STAT5A: variants seen among roughly 807,000 people sequenced by gnomAD.
STAT5A encodes the protein signal transducer and activator of transcription 5A.
In STAT5A, 26 loss-of-function variants were observed where a neutral mutation model predicts 100.2. The observed-to-expected ratio is 0.26, with a 90% CI of 0.19 to 0.36. The LOEUF is 0.36. Among genes scored for constraint, STAT5A ranks in the 10% least tolerant of loss-of-function variants. STAT5A has a pLI of 1.00. For missense variants in STAT5A, 634 were observed against 1,027.5 expected (o/e 0.62, Z 5.24); for synonymous variants, 330 against 424.3 (o/e 0.78, Z 2.73).
chr17:42,289,253 C>T (rs2080844955), intron 1 of STAT5A, 149 bp from the exon 2 acceptor site: 4 of 897,048 alleles, frequency 4.5e-6, no homozygotes, highest in African/African-American at 1.7e-5. Context: ...TCCTCACCAT[C>T]TCTGTTCCCG....
chr17:42,294,109 G>A (rs565197636), intron 4 of STAT5A, among the ~76,000 whole-genome samples: 1 of 152,100 alleles, frequency 6.6e-6, no homozygotes, highest in Non-Finnish European at 1.5e-5. Flanking sequence ...CTAGCTACTC[G>A]GGCGGCTGAG....
intron 15 of STAT5A, 128 bp downstream of exon 15, chr17:42,307,851 C>A: frequency 7.4e-7 from 1 of 1,346,718 alleles, no homozygotes; most frequent in Non-Finnish European, 1.0e-6. Context: ...TATGAGAGGG[C>A]TGTGGCTTGG....
chr17:42,298,953 C>G (rs1257377724), intron 5 of STAT5A, among the ~76,000 whole-genome samples: 2 of 151,942 alleles, frequency 1.3e-5, no homozygotes, highest in Non-Finnish European at 2.9e-5. Context: ...ACACGCTCTC[C>G]CTCTGCGGTC....
In STAT5A at chr17:42,307,710, GA is replaced by G. The variant is rs1360593851; in HGVS notation, c.1895del (p.Lys632SerfsTer12). On this transcript the variant is annotated frameshift_variant, in exon 15 of 19. Transcript: ENST00000590949. LOFTEE classifies it high-confidence loss of function. ...AAATCGGGGGCATCACCATCGCCTG[GA>G]AGTTTGACTCCCGTGAGTGCCCGTT... ...SEIGGITIAW[K>X]FDSPERNLWN... 1.2e-6 allele frequency: 2 copies of G among 1,613,952 alleles called. No homozygotes were observed. Among genetic ancestry groups the G allele is most frequent in the Non-Finnish European group, 1.7e-6 (2 of 1,179,976 alleles).
chr17:42,302,943 ACT>A (rs2080995107), intron 9 of STAT5A, among the ~76,000 whole-genome samples: 1 of 146,960 alleles, frequency 6.8e-6, no homozygotes, highest in Admixed American at 6.9e-5. Flanking sequence ...ACAGAGCAAG[ACT>A]CTGTTTAAAA....
chr17:42,300,588 C>A, intron 7 of STAT5A, 127 bp from the exon 8 acceptor site: 1 of 850,320 alleles, frequency 1.2e-6, no homozygotes. Context: ...GAGCTCTGCT[C>A]TTCCCATGGG....
At position 42,300,708 on chromosome 17, in the gene STAT5A, C is replaced by T. The variant is rs775474401; in HGVS notation, c.834-7C>T. On this transcript the variant is annotated splice_region_variant and splice_polypyrimidine_tract_variant and intron_variant, in intron 7 of 18. Coordinates refer to ENST00000590949, the MANE Select transcript of STAT5A (RefSeq NM_001288718.2). ...GTCCTCCTGTTGGCCTTGGGGCTCT[C>T]GTGCAGGTGTGAGAAGTTGGCCGAG... 8.1e-6 allele frequency: 13 copies of T among 1,613,598 alleles called. No individual in the cohort carries two copies. The highest frequency in any genetic ancestry group is 2.2e-5 in the South Asian group (2 of 91,072).
chr17:42,310,859 G>A lies in STAT5A; in HGVS notation c.*190G>A. 1.0e-6 allele frequency: 1 copy of A among 984,036 alleles called. No homozygotes were observed. The highest frequency in any genetic ancestry group is 2.6e-5 in the East Asian group (1 of 37,772). The allele number at this position is 984,036 out of a possible 1,614,324, so 61.0% of individuals were successfully genotyped here. Reference sequence around the variant, plus strand: ...GCAGTCCTGGGATGTGGCTGCAGCAGCGGTGGCCTCTTTTCAGATCATGGC... The same window carrying A: ...GCAGTCCTGGGATGTGGCTGCAGCAACGGTGGCCTCTTTTCAGATCATGGC... On this transcript the variant is annotated 3_prime_UTR_variant, in exon 19 of 19. Transcript: ENST00000590949.
intron 5 of STAT5A, among the ~76,000 whole-genome samples, chr17:42,296,677 G>C (rs147153179): frequency 6.6e-6 from 1 of 150,876 alleles, no homozygotes; most frequent in African/African-American, 2.4e-5. Context: ...TTGCTCTGTC[G>C]CCCAGGCTGG....
At chr17:42,292,095 A>G (rs1218254343) in intron 4 of STAT5A, 34 bp downstream of exon 4, 1 of 1,610,274 alleles carries the variant, frequency 6.2e-7, no homozygotes, top group East Asian at 2.2e-5. Context: ...AGGAGTGTTG[A>G]GAAGTCCCTC....
Position 42,304,241 on chromosome 17 carries a change from G to C in STAT5A, c.1170-101G>C. The C allele has an allele frequency of 4.5e-6, 5 of 1,113,774 alleles. No homozygotes were observed. The highest frequency in any genetic ancestry group is 1.5e-5 in the African/African-American group (1 of 64,842). The allele number at this position is 1,113,774 out of a possible 1,614,324, so 69.0% of individuals were successfully genotyped here. A position where few individuals can be genotyped will look rare whatever the true frequency, so the allele number is the denominator to read the frequency against. On this transcript the variant is annotated intron_variant, in intron 9 of 18. Transcript: ENST00000590949. The surrounding 1 kb of genome is among the most constrained non-coding windows in gnomAD (Gnocchi z 4.8). ...TAGGGGATACGGGGCAGGGGCTGCT[G>C]GCAGGGCTGACCTGAGCGAAGACCC...
chr17:42,291,137 C>T (rs2080864505), intron 3 of STAT5A, among the ~76,000 whole-genome samples: 1 of 152,218 alleles, frequency 6.6e-6, no homozygotes. Context: ...GCATTAGATT[C>T]TCTTAAGAAG....
chr17:42,289,618 G>T (rs1316235187), intron 2 of STAT5A, 79 bp downstream of exon 2: 1 of 1,550,090 alleles, frequency 6.5e-7, no homozygotes, highest in South Asian at 1.2e-5. Context: ...ACTCATGGTG[G>T]TTTGGTGTGA....
chr17:42,301,395 G>A lies in STAT5A; in HGVS notation c.1110G>A (p.Lys370=). The change falls in exon 9 of 19, where the codon AAG becomes AAA. Residue 370 remains lysine, a synonymous_variant. Transcript: ENST00000590949. The part of the protein sequence containing the change: ...LNVHMNPPQV[K]ATIISEQQAK... ...TGCACATGAATCCCCCCCAGGTGAA[G>A]GCCACCATCATCAGTGAGCAGCAGG... 1.2e-6 allele frequency: 2 copies of A among 1,614,178 alleles called. No homozygotes were observed. The highest frequency in any genetic ancestry group is 1.7e-6 in the Non-Finnish European group (2 of 1,180,016).
rs2081050640 is a variant in STAT5A, at chr17:42,308,451, C to T, written c.2062+118C>T. 1 of 1,463,476 alleles carries T rather than the reference C, an allele frequency of 6.8e-7. No individual in the cohort carries two copies. The highest frequency in any genetic ancestry group is 9.3e-7 in the Non-Finnish European group (1 of 1,076,024). 90.7% of individuals were successfully genotyped at this position (1,463,476 alleles called of 1,614,324 possible). ...CAGGAGGAGCCTAGGGGCCATGTCC[C>T]CTGTGGGTTTTGGCCCATGGGGTGG... is the stretch of plus-strand genomic sequence containing the variant. On this transcript the variant is annotated intron_variant, in intron 16 of 18. Coordinates refer to ENST00000590949, the MANE Select transcript of STAT5A (RefSeq NM_001288718.2). The surrounding 1 kb of genome is among the most constrained non-coding windows in gnomAD (Gnocchi z 4.6).
Position 42,310,738 on chromosome 17 carries a change from A to G in STAT5A, c.*69A>G, listed in dbSNP as rs1598369834. On this transcript the variant is annotated 3_prime_UTR_variant, in exon 19 of 19. Coordinates refer to ENST00000590949, the MANE Select transcript of STAT5A (RefSeq NM_001288718.2). ...GAAGCGGTCGTGTTGTGAGTTTAGT[A>G]AGGCTGTGTACACTGACACCTTTGC... 1.2e-6 allele frequency: 2 copies of G among 1,601,504 alleles called. No homozygotes were observed. Among genetic ancestry groups the G allele is most frequent in the East Asian group, 2.2e-5 (1 of 44,728 alleles).
chr17:42,302,176 A>G lies in STAT5A; in HGVS notation c.1169+722A>G, dbSNP rs1247678393. Among the ~76,000 whole-genome samples, 3 of 152,320 alleles carry G rather than the reference A, an allele frequency of 2.0e-5. No individual in the cohort carries two copies. In the East Asian group the frequency reaches 5.8e-4, roughly 29 times the overall value. On this transcript the variant is annotated intron_variant, in intron 9 of 18. Coordinates refer to ENST00000590949, the MANE Select transcript of STAT5A (RefSeq NM_001288718.2). ...GTGAGACCCTGTCTCCAAAAAAATC[A>G]CACAAAGTATGGTGTTGTAGCTGTG... is the stretch of plus-strand genomic sequence containing the variant.
At chr17:42,301,543 C>A in intron 9 of STAT5A, 89 bp downstream of exon 9, 1 of 1,542,864 alleles carries the variant, frequency 6.5e-7, no homozygotes, top group Non-Finnish European at 8.8e-7. Context: ...TATGTCTTGT[C>A]CCCTAGTTCA....
chr17:42,309,275 C>A, intron 17 of STAT5A, 102 bp from the exon 18 acceptor site: 1 of 1,529,788 alleles, frequency 6.5e-7, no homozygotes, highest in Non-Finnish European at 9.0e-7. Flanking sequence ...GCACTTTGTC[C>A]GTCTACACCC....
Sources: gnomAD v4.1 joint callset for allele counts (sites outside exome capture counted in the v4.1 genomes callset) on GRCh38, gnomAD v4.1.1 for gene constraint, Gnocchi (gnomAD v3.1) non-coding constraint, MANE v1.5 for transcripts, NCBI Gene and HGNC (gene_info 2026-07-23, HGNC 2026-07-21) for gene names.